Variants in PKHD1L1 observed in about 807,000 individuals in gnomAD.
PKHD1L1 encodes fibrocystin-L.
Under a neutral mutation model 462.9 loss-of-function variants are expected in PKHD1L1, and 434 were observed. That is an observed-to-expected ratio of 0.94 (90% CI 0.87 to 1.02). The LOEUF is 1.02. PKHD1L1 is among the 50% of genes least tolerant of loss of function. The pLI, the probability that PKHD1L1 is intolerant of heterozygous loss-of-function variation, is 0.00. For missense variants in PKHD1L1, 5,202 were observed against 5,096.1 expected, an observed-to-expected ratio of 1.02 and a Z score of -0.63; for synonymous variants, 1,781 against 1,750.0, an observed-to-expected ratio of 1.02 and a Z score of -0.44.
chr8:109,381,469 T>C lies in PKHD1L1; in HGVS notation c.263T>C (p.Val88Ala), dbSNP rs1473496953. Residue 88 changes from valine (V) to alanine (A), a missense_variant, in exon 3 of 78, where the codon GTA (valine) becomes GCA (alanine). Around this residue, in one of 3 missense-constraint regions of PKHD1L1, gnomAD observed 4,497 missense variants for 4,336.8 expected, o/e 1.04. Transcript: ENST00000378402. ...ISSFQSITCD[V>A]EKDASHSTQI... ...TCTTTCCAGTCAATTACTTGTGATGTAGAAAAAGATGCAAGTCATTCAACT... is the reference window on the plus strand; with the variant it reads ...TCTTTCCAGTCAATTACTTGTGATGCAGAAAAAGATGCAAGTCATTCAACT... The C allele has an allele frequency of 6.3e-7, 1 of 1,584,282 alleles. No homozygotes were observed.
chr8:109,427,155 A>G lies in PKHD1L1; in HGVS notation c.2999A>G (p.Gln1000Arg). 6.2e-7 allele frequency: 1 copy of G among 1,612,388 alleles called. No homozygotes were observed. The highest frequency in any genetic ancestry group is 8.5e-7 in the Non-Finnish European group (1 of 1,178,648). The change falls in exon 25 of 78, where the codon CAG (glutamine) becomes CGG (arginine). Residue 1000 changes from glutamine (Q) to arginine (R), a missense_variant and splice_region_variant. Gln to Arg is a conservative substitution (Grantham distance 43). Transcript: ENST00000378402. Reference protein sequence around the residue: ...RSTCGKQNLLQINDSNIIGEK... With the variant: ...RSTCGKQNLLRINDSNIIGEK... ...ACCTGCGGAAAGCAGAATCTTCTAC[A>G]GGTTCCCTCATTTGGCTTGGCTTCT...
rs971291977 is a variant in PKHD1L1 at position 109,497,030 on chromosome 8, C to T, written c.10439C>T (p.Thr3480Ile). The change falls in exon 64 of 78, where the codon ACC (threonine) becomes ATC (isoleucine). Residue 3480 changes from threonine to isoleucine, a missense_variant. Physicochemically the swap from Thr to Ile is moderately conservative, Grantham distance 89. Transcript: ENST00000378402. ...GGATGTTCTCTTATACAAGGATTTA[C>T]CATTTGGACATGCTGGGATTATGGA... ...LPGCSLIQGFTIWTCWDYGIY... is the reference protein window; with the variant it reads ...LPGCSLIQGFIIWTCWDYGIY... 1.5e-5 allele frequency: 25 copies of T among 1,613,386 alleles called. No individual in the cohort carries two copies. Among genetic ancestry groups the T allele is most frequent in the Non-Finnish European group, 1.9e-5 (23 of 1,179,590 alleles).
chr8:109,373,080 G>A (rs1811603886), intron 2 of PKHD1L1, among the ~76,000 whole-genome samples: 1 of 152,182 alleles, frequency 6.6e-6, no homozygotes, highest in African/African-American at 2.4e-5. Flanking sequence ...AGAAGGAATG[G>A]TACCAGCTCC....
rs912247806 is a variant in PKHD1L1, at chr8:109,419,329, A to C, written c.2524+69A>C. On this transcript the variant is annotated intron_variant, in intron 22 of 77. Transcript: ENST00000378402. ...AAATCTTACCATGGAAATTATTTTT[A>C]TATTCTGCAGTATGGATAGAAACAT... 7 of 1,278,606 alleles carry C rather than the reference A, an allele frequency of 5.5e-6. No homozygotes were observed. In the East Asian group the frequency reaches 1.8e-4, roughly 33 times the overall value. The allele number at this position is 1,278,606 out of a possible 1,614,324, so 79.2% of individuals were successfully genotyped here. A position where few individuals can be genotyped will look rare whatever the true frequency, so the allele number is the denominator to read the frequency against.
At chr8:109,436,905 G>A (rs974205838) in intron 30 of PKHD1L1, among the ~76,000 whole-genome samples, 1 of 152,074 alleles carries the variant, frequency 6.6e-6, no homozygotes, top group Non-Finnish European at 1.5e-5. Context: ...GAAAATAATA[G>A]TTTTCAAAAA....
chr8:109,364,646 C>CTTTT lies in PKHD1L1; in HGVS notation c.163+25_163+28dup, dbSNP rs60902563. 6.3e-3 allele frequency: 6,473 copies of CTTTT among 1,027,730 alleles called. 131 individuals carry two copies. The highest frequency in any genetic ancestry group is 0.049 in the African/African-American group (2,347 of 48,322). 63.7% of individuals were successfully genotyped at this position (1,027,730 alleles called of 1,614,324 possible). ...ACTATAAGAGGGGAAGGTATCGTTG[C>CTTTT]TTTTTTTTTTTTTTTTTTGCCAAGG... On this transcript the variant is annotated intron_variant, in intron 2 of 77. Coordinates refer to ENST00000378402, the MANE Select transcript of PKHD1L1 (RefSeq NM_177531.6).
At chr8:109,394,333 C>A in intron 9 of PKHD1L1, 82 bp from the exon 10 acceptor site, 1 of 834,128 alleles carries the variant, frequency 1.2e-6, no homozygotes, top group East Asian at 2.7e-5. Flanking sequence ...CAGATTATGA[C>A]ATAATTTCTA....
At chr8:109,372,095 A>G (rs1811542320) in intron 2 of PKHD1L1, among the ~76,000 whole-genome samples, 1 of 152,190 alleles carries the variant, frequency 6.6e-6, no homozygotes, top group Admixed American at 6.5e-5. Flanking sequence ...TACCTTGGGC[A>G]GTATGGCCGT....
At chr8:109,497,426 CG>C (rs2130939656) in intron 65 of PKHD1L1, among the ~76,000 whole-genome samples, 154 bp downstream of exon 65, 1 of 145,474 alleles carries the variant, frequency 6.9e-6, no homozygotes, top group East Asian at 2.0e-4. Flanking sequence ...CCTAAAAAAC[CG>C]TTCTTTTTTT....
At chr8:109,369,783 C>T (rs527417532) in intron 2 of PKHD1L1, among the ~76,000 whole-genome samples, 1 of 152,218 alleles carries the variant, frequency 6.6e-6, no homozygotes, top group East Asian at 1.9e-4. Flanking sequence ...TGGGTTTACA[C>T]GTAACTTGCT....
intron 50 of PKHD1L1, chr8:109,470,478 A>G: frequency 6.2e-7 from 1 of 1,609,246 alleles, no homozygotes; most frequent in Non-Finnish European, 8.5e-7. Flanking sequence ...AGATAGCGCT[A>G]GAGGAAGCAT....
chr8:109,438,726 C>G (rs908200527), intron 31 of PKHD1L1, among the ~76,000 whole-genome samples, 171 bp from the exon 32 acceptor site: 1 of 151,940 alleles, frequency 6.6e-6, no homozygotes, highest in African/African-American at 2.4e-5. Flanking sequence ...CATTTCATCC[C>G]TCTGTGGCTG....
At position 109,400,493 on chromosome 8, in the gene PKHD1L1, A is replaced by G. The variant is rs535746749; in HGVS notation, c.1281+149A>G. On this transcript the variant is annotated intron_variant, in intron 13 of 77. Transcript: ENST00000378402. The stretch of plus-strand genomic sequence containing the variant: ...TTGGCTCTTGGCTATTATCCTGGAT[A>G]TGATACAAGATATAAGATGATAGAA... 1.3e-5 allele frequency: 12 copies of G among 929,744 alleles called. No homozygotes were observed. In the African/African-American group the frequency reaches 1.3e-4, roughly 10 times the overall value. 57.6% of individuals were successfully genotyped at this position (929,744 alleles called of 1,614,324 possible). A position where few individuals can be genotyped will look rare whatever the true frequency, so the allele number is the denominator to read the frequency against.
At chr8:109,454,079 A>G in intron 43 of PKHD1L1, 88 bp from the exon 44 acceptor site, 1 of 704,314 alleles carries the variant, frequency 1.4e-6, no homozygotes, top group Non-Finnish European at 2.3e-6. Context: ...TAATTTAATA[A>G]TTATGTTAAA....
Position 109,436,539 on chromosome 8 carries a change from G to C in PKHD1L1, c.3627+80G>C, listed in dbSNP as rs908667861. ...TAGGAAACATCTCAGTGGGGCGGGG[G>C]GTGAAACAAGTGGTGTATTTACTTA... On this transcript the variant is annotated intron_variant, in intron 30 of 77. Coordinates refer to ENST00000378402, the MANE Select transcript of PKHD1L1 (RefSeq NM_177531.6). 4 of 1,557,482 alleles carry C rather than the reference G, an allele frequency of 2.6e-6. No individual in the cohort carries two copies. The South Asian group carries it at 4.8e-5, about 19-fold the overall frequency.
At chr8:109,512,720 C>T (rs1820059222) in intron 71 of PKHD1L1, among the ~76,000 whole-genome samples, 1 of 152,052 alleles carries the variant, frequency 6.6e-6, no homozygotes, top group African/African-American at 2.4e-5. Flanking sequence ...TAGTTTTTTC[C>T]AGTTCTGTGA....
rs531130454 is a variant in PKHD1L1, at chr8:109,483,277, GT to G, written c.9576+173del. On this transcript the variant is annotated intron_variant, in intron 57 of 77. Coordinates refer to ENST00000378402, the MANE Select transcript of PKHD1L1 (RefSeq NM_177531.6). Reference sequence around the variant, plus strand: ...ATCCGATAGGAGGCATTTAAAAATTGTGGCTTCAATGGTCCTTTAAAATAAA... The same window carrying G: ...ATCCGATAGGAGGCATTTAAAAATTGGGCTTCAATGGTCCTTTAAAATAAA... Among the ~76,000 whole-genome samples, 233 of 151,574 alleles carry G rather than the reference GT, an allele frequency of 1.5e-3. 1 individual carries two copies. The highest frequency in any genetic ancestry group is 1.5e-3 in the Non-Finnish European group (101 of 67,726).
At chr8:109,469,081 C>T (rs1375318680) in intron 50 of PKHD1L1, among the ~76,000 whole-genome samples, 1 of 152,056 alleles carries the variant, frequency 6.6e-6, no homozygotes, top group Admixed American at 6.6e-5. Flanking sequence ...ATTCCTCTGC[C>T]CAGTGACTAT....
At chr8:109,486,500 CTA>C (rs1818533336) in intron 58 of PKHD1L1, 146 bp from the exon 59 acceptor site, 1 of 569,474 alleles carries the variant, frequency 1.8e-6, no homozygotes, top group Non-Finnish European at 3.0e-6. Flanking sequence ...AGACTGCCAT[CTA>C]TATATGTTTA....
Sources: gnomAD v4.1 joint callset for allele counts (sites outside exome capture counted in the v4.1 genomes callset) on GRCh38, gnomAD v4.1.1 for gene constraint, gnomAD v4.1.1 regional missense constraint, MANE v1.5 for transcripts, NCBI Gene and HGNC (gene_info 2026-07-23, HGNC 2026-07-21) for gene names.